The following STK33 variants were observed in gnomAD, a reference collection of about 807,000 sequenced individuals.
STK33 encodes the protein serine/threonine-protein kinase 33.
A neutral mutation model predicts 58.0 loss-of-function variants in STK33; 52 were observed. That is an observed-to-expected ratio of 0.90 (90% CI 0.72 to 1.13). The LOEUF is 1.13. Among genes scored for constraint, STK33 ranks in the 50% most tolerant of loss-of-function variants. The pLI is 0.00. For synonymous variants in STK33, 215 were observed against 200.1 expected, an observed-to-expected ratio of 1.07 and a Z score of -0.63; for missense variants, 630 against 604.2, an observed-to-expected ratio of 1.04 and a Z score of -0.45.
At chr11:8,532,989 C>G (rs1331064330) in intron 1 of STK33, among the ~76,000 whole-genome samples, 2 of 152,136 alleles carry the variant, frequency 1.3e-5, no homozygotes, top group African/African-American at 2.4e-5. Context: ...TGATTTTTAT[C>G]AGAGTATAAT....
Position 8,502,637 on chromosome 11 carries a change from TA to T in STK33, c.-465-22024del, listed in dbSNP as rs371269939. ...AAAACAAAAATTGACAAATGGGACCTAATTAGACTAAAGAGCTTCTGCACAG... is the reference window on the plus strand; with the variant it reads ...AAAACAAAAATTGACAAATGGGACCTATTAGACTAAAGAGCTTCTGCACAG... On this transcript the variant is annotated intron_variant, in intron 1 of 15. Coordinates refer to ENST00000687296, the MANE Select transcript of STK33 (RefSeq NM_001352389.2). 1.9e-4 allele frequency among the ~76,000 whole-genome samples: 29 copies of T among 152,230 alleles called. No homozygotes were observed. In the East Asian group the frequency reaches 5.4e-3, roughly 28 times the overall value.
intron 1 of STK33, among the ~76,000 whole-genome samples, chr11:8,553,230 G>GGTGTGTA (rs1565348098): frequency 1.4e-5 from 1 of 71,450 alleles, no homozygotes; most frequent in African/African-American, 5.8e-5. Context: ...TATATGGTGT[G>GGTGTGTA]TATATATATA....
At chr11:8,484,245 G>T (rs1465006575) in intron 1 of STK33, among the ~76,000 whole-genome samples, 1 of 152,138 alleles carries the variant, frequency 6.6e-6, no homozygotes, top group African/African-American at 2.4e-5. Context: ...TTGTTTTAGG[G>T]ATAAGGTATC....
chr11:8,438,400 T>C (rs1037088241), intron 12 of STK33, among the ~76,000 whole-genome samples: 1 of 152,202 alleles, frequency 6.6e-6, no homozygotes, highest in Non-Finnish European at 1.5e-5. Context: ...TGAGAAAGTA[T>C]GTTATCACCA....
chr11:8,345,977 T>C, the STK33 span, among the ~76,000 whole-genome samples: 1 of 152,196 alleles, frequency 6.6e-6, no homozygotes, highest in South Asian at 2.1e-4. Flanking sequence ...TTTATGTGCG[T>C]CATCTCTAGT....
At chr11:8,369,588 C>T in the STK33 span, among the ~76,000 whole-genome samples, 18 of 152,082 alleles carry the variant, frequency 1.2e-4, no homozygotes, top group African/African-American at 3.6e-4. Flanking sequence ...AGTTCTCCCA[C>T]CTCCTCTCCT....
chr11:8,579,917 C>T (rs2141314526), intron 1 of STK33, among the ~76,000 whole-genome samples: 1 of 152,236 alleles, frequency 6.6e-6, no homozygotes, highest in East Asian at 1.9e-4. Context: ...TACAATGAGA[C>T]ATCATCTCAT....
chr11:8,419,061 A>G (rs1234649068), intron 14 of STK33, among the ~76,000 whole-genome samples: 1 of 151,782 alleles, frequency 6.6e-6, no homozygotes, highest in Non-Finnish European at 1.5e-5. Context: ...AGTTTCTTGT[A>G]CTGTACAGAA....
the STK33 span, among the ~76,000 whole-genome samples, chr11:8,341,861 T>TTACATTTC: frequency 6.6e-6 from 1 of 152,206 alleles, no homozygotes; most frequent in South Asian, 2.1e-4. Flanking sequence ...TCATGAGAGT[T>TTACATTTC]TACATTTCTT....
chr11:8,574,550 T>C (rs1958045551), intron 1 of STK33, among the ~76,000 whole-genome samples: 1 of 152,008 alleles, frequency 6.6e-6, no homozygotes, highest in Admixed American at 6.6e-5. Context: ...ATCAAACATT[T>C]AAAGAAGAAA....
the STK33 span, among the ~76,000 whole-genome samples, chr11:8,355,903 A>G: frequency 1.1e-3 from 161 of 152,340 alleles, no homozygotes; most frequent in African/African-American, 3.8e-3. Context: ...GGCATGCAAC[A>G]AACAGCAGCC....
the STK33 span, among the ~76,000 whole-genome samples, chr11:8,384,679 C>T: frequency 9.2e-5 from 14 of 152,336 alleles, no homozygotes; most frequent in East Asian, 1.9e-4. Context: ...ATGCTGTCCT[C>T]CCTGTCTGCT....
intron 14 of STK33, among the ~76,000 whole-genome samples, chr11:8,414,248 A>G (rs1940777595): frequency 6.6e-6 from 1 of 152,204 alleles, no homozygotes; most frequent in African/African-American, 2.4e-5. Flanking sequence ...GACTTGGTAC[A>G]GTGTTCTTAT....
intron 1 of STK33, among the ~76,000 whole-genome samples, chr11:8,488,997 G>A (rs1055743923): frequency 2.0e-5 from 3 of 152,140 alleles, no homozygotes; most frequent in African/African-American, 4.8e-5. Flanking sequence ...GGTGGCTCAC[G>A]CCTATAAACC....
At chr11:8,533,243 C>G (rs1448297354) in intron 1 of STK33, 1 of 152,062 alleles carries the variant, frequency 6.6e-6, no homozygotes, top group East Asian at 1.9e-4. Context: ...GCAGAAATTA[C>G]ATTTCAAGAT....
At chr11:8,496,934 T>G (rs900027732) in intron 1 of STK33, among the ~76,000 whole-genome samples, 2 of 152,266 alleles carry the variant, frequency 1.3e-5, no homozygotes, top group Admixed American at 6.5e-5. Context: ...AGTAATTATT[T>G]TTACCATATC....
intron 1 of STK33, among the ~76,000 whole-genome samples, chr11:8,487,140 G>A (rs1950243189): frequency 6.6e-6 from 1 of 152,084 alleles, no homozygotes; most frequent in Non-Finnish European, 1.5e-5. Flanking sequence ...TTATTTCACA[G>A]AGGCCGGGCA....
At chr11:8,351,953 C>T in the STK33 span, among the ~76,000 whole-genome samples, 3 of 152,200 alleles carry the variant, frequency 2.0e-5, no homozygotes, top group Non-Finnish European at 2.9e-5. Context: ...GCGGCGCTCA[C>T]GGTCGGAGGA....
At chr11:8,549,034 T>G (rs1956132207) in intron 1 of STK33, among the ~76,000 whole-genome samples, 1 of 152,156 alleles carries the variant, frequency 6.6e-6, no homozygotes, top group Admixed American at 6.6e-5. Flanking sequence ...GATGACATGA[T>G]CTTATATTTA....
Sources: gnomAD v4.1 joint callset for allele counts (sites outside exome capture counted in the v4.1 genomes callset) on GRCh38, gnomAD v4.1.1 for gene constraint, MANE v1.5 for transcripts, NCBI Gene and HGNC (gene_info 2026-07-23, HGNC 2026-07-21) for gene names.